ACSM3: variants seen among roughly 807,000 people sequenced by gnomAD.
ACSM3 encodes acyl-coenzyme A synthetase ACSM3, mitochondrial.
Under a neutral mutation model 74.1 loss-of-function variants are expected in ACSM3, and 61 were observed. The ratio of observed to expected loss-of-function variants is 0.82; its 90% CI spans 0.67 to 1.02. The LOEUF (loss-of-function observed/expected upper bound fraction) is 1.02. Among genes scored for constraint, ACSM3 ranks in the 50% least tolerant of loss-of-function variants. The probability of loss-of-function intolerance (pLI) is 0.00; values close to 1 mark genes in which losing one functional copy is unlikely to be tolerated. For synonymous variants in ACSM3, 213 were observed against 241.5 expected (o/e 0.88, Z 1.09); for missense variants, 660 against 697.0 (o/e 0.95, Z 0.60).
intron 1 of ACSM3, chr16:20,732,781 T>A (rs2079838547): frequency 6.5e-6 from 1 of 152,802 alleles, no homozygotes; most frequent in Admixed American, 6.5e-5. Context: ...TGAGATTCAA[T>A]AAGCTTAGGC....
At chr16:20,728,280 G>C (rs982007) in intron 1 of ACSM3, 10,621 of 500,162 alleles carry the variant, frequency 0.021, 1,021 homozygotes, top group African/African-American at 0.2. Context: ...CAATAAAGCA[G>C]AAAGAACGTT....
At chr16:20,755,058 T>C in intron 2 of ACSM3, among the ~76,000 whole-genome samples, 1 of 152,044 alleles carries the variant, frequency 6.6e-6, no homozygotes, top group Non-Finnish European at 1.5e-5. Context: ...GGAACTCTAG[T>C]CCCCACCCAA....
intron 2 of ACSM3, among the ~76,000 whole-genome samples, chr16:20,774,981 C>G (rs2080238262): frequency 6.6e-6 from 1 of 152,172 alleles, no homozygotes; most frequent in Admixed American, 6.5e-5. Context: ...CTCTCAGGCT[C>G]TGGGGAGTGT....
chr16:20,791,505 G>A (rs2080596110), intron 10 of ACSM3, among the ~76,000 whole-genome samples: 1 of 152,166 alleles, frequency 6.6e-6, no homozygotes, highest in African/African-American at 2.4e-5. Flanking sequence ...CTTTGTAACT[G>A]TAGTTTACCT....
chr16:20,780,629 A>G, intron 4 of ACSM3, 85 bp from the exon 5 acceptor site: 1 of 1,613,078 alleles, frequency 6.2e-7, no homozygotes. Context: ...AAGAGGTTCA[A>G]GTGGAGAGCT....
chr16:20,709,773 C>A (rs529391914), intron 1 of ACSM3, among the ~76,000 whole-genome samples: 1 of 152,296 alleles, frequency 6.6e-6, no homozygotes, highest in East Asian at 1.9e-4. Flanking sequence ...GAATTCAACT[C>A]CACATTTCCC....
At chr16:20,759,684 G>A (rs73535119), upstream of ACSM3, among the ~76,000 whole-genome samples, 8,848 of 151,934 alleles carry the variant, frequency 0.058, 261 homozygotes, top group Middle Eastern at 0.13. Flanking sequence ...CCCACACCTC[G>A]CCCTATGCAT....
Position 20,786,527 on chromosome 16 carries a change from TA to T in ACSM3, c.1224+375del, listed in dbSNP as rs201565359. Among the ~76,000 whole-genome samples, 1,501 of 152,018 alleles carry T rather than the reference TA, an allele frequency of 9.9e-3. 29 individuals are homozygous for T. Among genetic ancestry groups the T allele is most frequent in the African/African-American group, 0.034 (1,427 of 41,426 alleles). On this transcript the variant is annotated intron_variant, in intron 9 of 13. Transcript: ENST00000289416. The stretch of plus-strand genomic sequence containing the variant: ...GAGACTTTGTCTCTACAAAAAAATA[TA>T]AAAAACTAGCCAGGCATGGTGGTAC...
At chr16:20,794,360 T>C (rs555925510) in intron 12 of ACSM3, among the ~76,000 whole-genome samples, 41 of 152,312 alleles carry the variant, frequency 2.7e-4, no homozygotes, top group Non-Finnish European at 5.3e-4. Context: ...AAGAAAACCA[T>C]AGGCCACTGT....
Position 20,711,516 on chromosome 16 carries a change from T to C in ACSM3, c.-190+36694T>C, listed in dbSNP as rs1371123180. ...GAACAATCCAGCTGACAGCAAAATA[T>C]ATCCTCTACCGGCTGCAAGCATCCA... On this transcript the variant is annotated intron_variant, in intron 1 of 3. Transcript: ENST00000561584. 3 of 1,415,062 alleles carry C rather than the reference T, an allele frequency of 2.1e-6. No homozygotes were observed. In the Admixed American group the frequency reaches 5.8e-5, roughly 27 times the overall value. The allele number at this position is 1,415,062 out of a possible 1,614,324, so 87.7% of individuals were successfully genotyped here.
intron 1 of ACSM3, among the ~76,000 whole-genome samples, chr16:20,676,721 G>A (rs2020302755): frequency 6.6e-6 from 1 of 152,190 alleles, no homozygotes; most frequent in African/African-American, 2.4e-5. Flanking sequence ...ACACAGTCAT[G>A]GAAAAGGCTG....
Position 20,777,517 on chromosome 16 carries a change from A to C in ACSM3, c.575A>C (p.His192Pro), listed in dbSNP as rs765949959. The change falls in exon 4 of 14, where the codon CAC becomes CCC. Residue 192 changes from histidine to proline, a missense_variant. By Grantham distance (77) the His-to-Pro change is moderately conservative (BLOSUM62 -2). Coordinates refer to ENST00000289416, the MANE Select transcript of ACSM3 (RefSeq NM_005622.4). ...DAVASKCENL[H>P]SKLIVSENSR... Reference sequence around the variant, plus strand: ...GTTGCATCCAAATGTGAAAATCTGCACTCCAAGCTGATTGTATCAGAGAAC... The same window carrying C: ...GTTGCATCCAAATGTGAAAATCTGCCCTCCAAGCTGATTGTATCAGAGAAC... The C allele has an allele frequency of 3.1e-6, 5 of 1,613,848 alleles. No homozygotes were observed. The highest frequency in any genetic ancestry group is 1.6e-4 in the Middle Eastern group (1 of 6,084).
At chr16:20,709,032 T>C (rs1227884700) in intron 1 of ACSM3, among the ~76,000 whole-genome samples, 1 of 152,254 alleles carries the variant, frequency 6.6e-6, no homozygotes, top group African/African-American at 2.4e-5. Context: ...GAAAGGACAG[T>C]CTTTTTAATA....
At chr16:20,794,799 T>C (rs2080684839) in intron 12 of ACSM3, among the ~76,000 whole-genome samples, 1 of 152,214 alleles carries the variant, frequency 6.6e-6, no homozygotes, top group South Asian at 2.1e-4. Context: ...ACCTAACTTG[T>C]CCAACATTAC....
upstream of ACSM3, among the ~76,000 whole-genome samples, chr16:20,760,758 T>C (rs2080070285): frequency 6.6e-6 from 1 of 152,206 alleles, no homozygotes; most frequent in African/African-American, 2.4e-5. Flanking sequence ...AAATTTCTGT[T>C]ACCACTACTA....
intron 1 of ACSM3, among the ~76,000 whole-genome samples, chr16:20,712,754 A>AG (rs2079747943): frequency 6.7e-6 from 1 of 150,208 alleles, no homozygotes; most frequent in Admixed American, 6.6e-5. Context: ...AAAAAAAAAA[A>AG]GTACAAAAAT....
At chr16:20,713,112 T>G (rs1310430553) in intron 1 of ACSM3, among the ~76,000 whole-genome samples, 1 of 152,192 alleles carries the variant, frequency 6.6e-6, no homozygotes, top group Admixed American at 6.5e-5. Context: ...CTGTGTAACC[T>G]TGGATAAGTA....
intron 1 of ACSM3, among the ~76,000 whole-genome samples, chr16:20,728,914 C>A (rs1464914000): frequency 6.6e-6 from 1 of 152,088 alleles, no homozygotes; most frequent in African/African-American, 2.4e-5. Flanking sequence ...CAAGACCAGC[C>A]TGGGAAACAT....
intron 1 of ACSM3, among the ~76,000 whole-genome samples, chr16:20,689,536 T>A (rs2079615678): frequency 6.6e-6 from 1 of 151,976 alleles, no homozygotes. Context: ...AAAAAAAAAA[T>A]CCAACTACAT....
Sources: gnomAD v4.1 joint callset for allele counts (sites outside exome capture counted in the v4.1 genomes callset) on GRCh38, gnomAD v4.1.1 for gene constraint, MANE v1.5 for transcripts, NCBI Gene and HGNC (gene_info 2026-07-23, HGNC 2026-07-21) for gene names.